APBB2: variants seen among roughly 807,000 people sequenced by gnomAD.
APBB2 encodes Fe65-like 1.
APBB2 carries 38 observed loss-of-function variants against 82.5 expected under a neutral mutation model. That is an observed-to-expected ratio of 0.46 (90% CI 0.36 to 0.60). The LOEUF (loss-of-function observed/expected upper bound fraction) is 0.60. Among genes scored for constraint, APBB2 ranks in the 20% least tolerant of loss-of-function variants. APBB2 has a pLI of 0.00. For synonymous variants in APBB2, 341 were observed against 368.2 expected (o/e 0.93, Z 0.85); for missense variants, 772 against 972.3 (o/e 0.79, Z 2.74).
chr4:40,963,910 G>A (rs1793940498), intron 6 of APBB2, among the ~76,000 whole-genome samples: 1 of 152,152 alleles, frequency 6.6e-6, no homozygotes, highest in African/African-American at 2.4e-5. Context: ...AAATATTACA[G>A]TGGGAAGTAC....
At position 41,172,296 on chromosome 4, in the gene APBB2, C is replaced by T. The variant is rs73142377; in HGVS notation, c.-416-29154G>A. Reference sequence around the variant, plus strand: ...TCAAGGGCTTAATGCAAACCGTACCCTCATCTAGACTGTCTTCCCACCCCC... The same window carrying T: ...TCAAGGGCTTAATGCAAACCGTACCTTCATCTAGACTGTCTTCCCACCCCC... On this transcript the variant is annotated intron_variant, in intron 1 of 17. Coordinates refer to ENST00000508593, the MANE Select transcript of APBB2 (RefSeq NM_004307.2). 9.4e-3 allele frequency among the ~76,000 whole-genome samples: 1,428 copies of T among 152,004 alleles called. 30 individuals are homozygous for T. Among genetic ancestry groups the T allele is most frequent in the African/African-American group, 0.033 (1,351 of 41,418 alleles).
intron 12 of APBB2, among the ~76,000 whole-genome samples, chr4:40,877,945 C>G (rs535884959): frequency 2.5e-4 from 38 of 152,306 alleles, no homozygotes; most frequent in African/African-American, 8.9e-4. Context: ...GATGGCTCTC[C>G]AGTGGGCAGG....
chr4:41,103,015 T>C (rs13131658), intron 2 of APBB2, among the ~76,000 whole-genome samples: 1 of 152,244 alleles, frequency 6.6e-6, no homozygotes, highest in Non-Finnish European at 1.5e-5. Flanking sequence ...TTTATCAGAA[T>C]TGACTACATA....
At chr4:41,172,442 AGAC>A (rs1478486786) in intron 1 of APBB2, among the ~76,000 whole-genome samples, 1 of 152,216 alleles carries the variant, frequency 6.6e-6, no homozygotes, top group African/African-American at 2.4e-5. Context: ...CTCGGGGACT[AGAC>A]GAGCACCCTT....
At chr4:40,875,091 G>A (rs1766541861) in intron 12 of APBB2, among the ~76,000 whole-genome samples, 1 of 152,188 alleles carries the variant, frequency 6.6e-6, no homozygotes, top group African/African-American at 2.4e-5. Context: ...CTGGGATGGG[G>A]GCAGGCAGGG....
At chr4:41,086,912 TAA>T (rs1739905017) in intron 3 of APBB2, among the ~76,000 whole-genome samples, 1 of 83,452 alleles carries the variant, frequency 1.2e-5, no homozygotes, top group South Asian at 5.3e-4. Flanking sequence ...TAGAAAACCT[TAA>T]AAATTCCACA....
intron 12 of APBB2, among the ~76,000 whole-genome samples, chr4:40,830,930 A>C (rs1359151876): frequency 6.6e-6 from 1 of 152,160 alleles, no homozygotes; most frequent in East Asian, 1.9e-4. Flanking sequence ...AAACCAAAAA[A>C]AAACAAAAAA....
At chr4:40,918,631 G>C (rs1256975426) in intron 10 of APBB2, among the ~76,000 whole-genome samples, 1 of 152,120 alleles carries the variant, frequency 6.6e-6, no homozygotes, top group East Asian at 1.9e-4. Flanking sequence ...GCATGCAAAG[G>C]AGCTATGTTT....
At chr4:40,921,971 A>G (rs984348323) in intron 10 of APBB2, among the ~76,000 whole-genome samples, 2 of 152,186 alleles carry the variant, frequency 1.3e-5, no homozygotes, top group Admixed American at 6.5e-5. Context: ...TCATGGATCG[A>G]AAGGGACACA....
At chr4:40,975,598 C>T (rs1796959690) in intron 6 of APBB2, among the ~76,000 whole-genome samples, 1 of 152,140 alleles carries the variant, frequency 6.6e-6, no homozygotes, top group Non-Finnish European at 1.5e-5. Context: ...ATTTATGAGT[C>T]CTTACTGCCC....
intron 2 of APBB2, among the ~76,000 whole-genome samples, chr4:41,111,343 A>C (rs1479655156): frequency 1.3e-5 from 2 of 152,274 alleles, no homozygotes; most frequent in South Asian, 2.1e-4. Flanking sequence ...ATGTAATAGC[A>C]ATCAATAAAA....
In APBB2 at chr4:40,868,028, A is replaced by ATTT. The variant is rs35501177; in HGVS notation, c.1529+22333_1529+22335dup. ...GTCTACAGGTATACCGTGCCTGGCTATTTTTTTTTTTTAGAGATGGGGTCT... is the reference window on the plus strand; with the variant it reads ...GTCTACAGGTATACCGTGCCTGGCTATTTTTTTTTTTTTTTAGAGATGGGGTCT... On this transcript the variant is annotated intron_variant, in intron 12 of 17. Coordinates refer to ENST00000508593, the MANE Select transcript of APBB2 (RefSeq NM_004307.2). 9.0e-4 allele frequency among the ~76,000 whole-genome samples: 132 copies of ATTT among 147,218 alleles called. 2 individuals carry two copies. Among genetic ancestry groups the ATTT allele is most frequent in the Admixed American group, 1.4e-3 (20 of 14,636 alleles).
intron 1 of APBB2, among the ~76,000 whole-genome samples, chr4:41,155,140 A>C (rs1272401390): frequency 6.6e-6 from 1 of 152,280 alleles, no homozygotes; most frequent in Non-Finnish European, 1.5e-5. Context: ...CAACTTGAGG[A>C]TATCCACAGT....
At chr4:41,033,578 T>C (rs1717886081) in intron 4 of APBB2, among the ~76,000 whole-genome samples, 2 of 107,550 alleles carry the variant, frequency 1.9e-5, no homozygotes, top group Non-Finnish European at 2.0e-5. Context: ...CCAATGCTTT[T>C]TCTCATCACA....
At chr4:40,972,718 T>C (rs1032658732) in intron 6 of APBB2, among the ~76,000 whole-genome samples, 1 of 152,194 alleles carries the variant, frequency 6.6e-6, no homozygotes, top group Admixed American at 6.5e-5. Flanking sequence ...AGTTAGTAAT[T>C]TCCAGTTACA....
intron 12 of APBB2, among the ~76,000 whole-genome samples, chr4:40,856,773 T>TC (rs1012887009): frequency 4.0e-5 from 6 of 151,830 alleles, no homozygotes; most frequent in African/African-American, 1.5e-4. Context: ...CAAGGACGCC[T>TC]CCCCCCCATT....
At chr4:41,016,166 T>C (rs1488370760) in intron 5 of APBB2, among the ~76,000 whole-genome samples, 1 of 152,218 alleles carries the variant, frequency 6.6e-6, no homozygotes, top group African/African-American at 2.4e-5. Context: ...AAATCTGCTG[T>C]TCCTAAAAGG....
At chr4:40,858,454 C>CAAAAAAAAAAAAA (rs34433911) in intron 12 of APBB2, among the ~76,000 whole-genome samples, 6 of 57,718 alleles carry the variant, frequency 1.0e-4, no homozygotes, top group African/African-American at 2.2e-4. Context: ...GAGTCCGTCT[C>CAAAAAAAAAAAAA]AAAAAAAAAA....
At chr4:40,894,103 A>G (rs867835354) in intron 10 of APBB2, among the ~76,000 whole-genome samples, 2 of 152,166 alleles carry the variant, frequency 1.3e-5, no homozygotes, top group Middle Eastern at 3.4e-3. Context: ...CCCGGCTAAC[A>G]CGGTGAAGCA....
Sources: allele counts gnomAD v4.1 joint callset (sites outside exome capture counted in the v4.1 genomes callset), GRCh38; gene constraint gnomAD v4.1.1; transcripts MANE v1.5; gene names NCBI Gene and HGNC (gene_info 2026-07-23, HGNC 2026-07-21).